SV2B: variants seen among roughly 807,000 people sequenced by gnomAD.
The protein encoded by SV2B is solute carrier family 22 member B2.
In SV2B, 41 loss-of-function variants were observed where a neutral mutation model predicts 73.9. The ratio of observed to expected loss-of-function variants is 0.56; its 90% CI spans 0.43 to 0.72. The LOEUF is 0.72. Ranked by LOEUF, SV2B falls within the 30% of genes least tolerant of loss-of-function variation. The pLI, the probability that SV2B is intolerant of heterozygous loss-of-function variation, is 0.00. For synonymous variants in SV2B, 314 were observed against 314.2 expected, an observed-to-expected ratio of 1.00 and a Z score of 0.01; for missense variants, 764 against 857.8, an observed-to-expected ratio of 0.89 and a Z score of 1.37.
At chr15:91,205,527 G>A (rs762507391) in intron 1 of SV2B, among the ~76,000 whole-genome samples, 110 of 152,004 alleles carry the variant, frequency 7.2e-4, no homozygotes, top group Non-Finnish European at 1.4e-3. Context: ...CACCATGCCC[G>A]GCTAATATTT....
chr15:91,148,882 C>G (rs922141898), intron 1 of SV2B, among the ~76,000 whole-genome samples: 9 of 152,146 alleles, frequency 5.9e-5, no homozygotes, highest in African/African-American at 2.2e-4. Flanking sequence ...TGGATAAATC[C>G]TACCCACATT....
intron 1 of SV2B, among the ~76,000 whole-genome samples, chr15:91,181,061 A>G (rs2044535520): frequency 6.6e-6 from 1 of 151,958 alleles, no homozygotes; most frequent in South Asian, 2.1e-4. Context: ...TGATGTACAG[A>G]TGGGTTTTTG....
chr15:91,287,995 G>T (rs959730052), intron 11 of SV2B, among the ~76,000 whole-genome samples: 1 of 152,280 alleles, frequency 6.6e-6, no homozygotes. Context: ...TTCTACCCCC[G>T]GGGAGGAGTT....
chr15:91,201,507 T>C (rs932662127), intron 1 of SV2B, among the ~76,000 whole-genome samples: 6 of 152,178 alleles, frequency 3.9e-5, no homozygotes, highest in Non-Finnish European at 7.3e-5. Flanking sequence ...CTGTAGAATC[T>C]CTTTTCATAA....
intron 1 of SV2B, among the ~76,000 whole-genome samples, chr15:91,204,463 T>A (rs2045564970): frequency 6.6e-6 from 1 of 152,006 alleles, no homozygotes; most frequent in Non-Finnish European, 1.5e-5. Flanking sequence ...TTGTAATGAG[T>A]TGAGAGTTGA....
chr15:91,257,095 G>T (rs2047724620), intron 4 of SV2B, among the ~76,000 whole-genome samples: 1 of 152,196 alleles, frequency 6.6e-6, no homozygotes. Context: ...GAGAAAACCA[G>T]TCTATTTTAT....
At chr15:91,167,777 C>T (rs1231203828) in intron 1 of SV2B, among the ~76,000 whole-genome samples, 1 of 152,174 alleles carries the variant, frequency 6.6e-6, no homozygotes, top group Non-Finnish European at 1.5e-5. Flanking sequence ...TATTCTTTAT[C>T]CTACCACAAA....
At chr15:91,114,535 G>A (rs545122616) in intron 1 of SV2B, among the ~76,000 whole-genome samples, 63 of 152,254 alleles carry the variant, frequency 4.1e-4, no homozygotes, top group Non-Finnish European at 7.2e-4. Context: ...TGTTGCTGGC[G>A]CCCAGGGACC....
At chr15:91,158,715 T>TTCCCTTCC (rs2043597367) in intron 1 of SV2B, among the ~76,000 whole-genome samples, 1 of 91,172 alleles carries the variant, frequency 1.1e-5, no homozygotes, top group African/African-American at 4.5e-5. Context: ...TCTCCTCTCC[T>TTCCCTTCC]CTCCTCTCCT....
intron 2 of SV2B, among the ~76,000 whole-genome samples, chr15:91,237,818 C>T (rs775456505): frequency 6.6e-6 from 1 of 152,190 alleles, no homozygotes; most frequent in African/African-American, 2.4e-5. Context: ...TTGCACATAT[C>T]TTCGGTAGCA....
rs2046688022 is a variant in SV2B, at chr15:91,234,117, T to A, written c.451+7403T>A. On this transcript the variant is annotated intron_variant, in intron 2 of 12. Coordinates refer to ENST00000394232, the MANE Select transcript of SV2B (RefSeq NM_001323032.3). This position sits in a 1 kb window ranked among gnomAD's most constrained non-coding sequence, Gnocchi z 5.6. ...GAAATGTAGACCAAAATGTGGCCCA[T>A]AGTAAATGAAGTCGAAATGCCAGAC... Among the ~76,000 whole-genome samples the A allele has an allele frequency of 6.6e-6, 1 of 152,186 alleles. No individual in the cohort carries two copies. Among genetic ancestry groups the A allele is most frequent in the Non-Finnish European group, 1.5e-5 (1 of 68,030 alleles).
intron 1 of SV2B, among the ~76,000 whole-genome samples, chr15:91,207,389 G>A (rs2045683446): frequency 3.3e-5 from 5 of 152,032 alleles, no homozygotes; most frequent in Admixed American, 3.3e-4. Flanking sequence ...TTTGTGGTAG[G>A]CATTCTGTGT....
In SV2B at chr15:91,129,035, G is replaced by T. The variant is rs1354422589; in HGVS notation, c.-392+28672G>T. On this transcript the variant is annotated intron_variant, in intron 1 of 12. Coordinates refer to ENST00000394232, the MANE Select transcript of SV2B (RefSeq NM_001323032.3). The surrounding 1 kb of genome is among the most constrained non-coding windows in gnomAD (Gnocchi z 5.1). Reference sequence around the variant, plus strand: ...TCTGCTTTTGTGAGTTGATTTTTTGGTGAAACTTCAGAGGGCCAGGGAGCC... The same window carrying T: ...TCTGCTTTTGTGAGTTGATTTTTTGTTGAAACTTCAGAGGGCCAGGGAGCC... 6.6e-6 allele frequency among the ~76,000 whole-genome samples: 1 copy of T among 152,166 alleles called. No homozygotes were observed. Among genetic ancestry groups the T allele is most frequent in the Non-Finnish European group, 1.5e-5 (1 of 68,036 alleles).
intron 1 of SV2B, among the ~76,000 whole-genome samples, chr15:91,174,347 A>AT (rs2044227972): frequency 6.6e-6 from 1 of 152,194 alleles, no homozygotes; most frequent in African/African-American, 2.4e-5. Context: ...AGACTTTGCC[A>AT]TTACCATTGT....
intron 1 of SV2B, among the ~76,000 whole-genome samples, chr15:91,119,653 C>G (rs1432097898): frequency 2.0e-5 from 3 of 152,340 alleles, no homozygotes; most frequent in East Asian, 1.9e-4. Flanking sequence ...TGATAAAGCT[C>G]TTCATTCATG....
chr15:91,137,609 T>TATATATATTTTATATATAC lies in SV2B; in HGVS notation c.-392+37256_-392+37257insTATATATACATATATATTT, dbSNP rs2042875608. Reference sequence around the variant, plus strand: ...ATTTCTCATATATATATATATTTCATATATATATTTCATATATACATATAT... The same window carrying TATATATATTTTATATATAC: ...ATTTCTCATATATATATATATTTCATATATATATTTTATATATACATATATATTTCATATATACATATAT... On this transcript the variant is annotated intron_variant, in intron 1 of 12. Transcript: ENST00000394232. This position sits in a 1 kb window ranked among gnomAD's most constrained non-coding sequence, Gnocchi z 4.9. 7.2e-6 allele frequency among the ~76,000 whole-genome samples: 1 copy of TATATATATTTTATATATAC among 138,226 alleles called. No individual in the cohort carries two copies. Among genetic ancestry groups the TATATATATTTTATATATAC allele is most frequent in the Non-Finnish European group, 1.5e-5 (1 of 64,776 alleles). 90.7% of individuals were successfully genotyped at this position (138,226 alleles called of 152,430 possible). A position where few individuals can be genotyped will look rare whatever the true frequency, so the allele number is the denominator to read the frequency against.
rs533977187 is a variant in SV2B, at chr15:91,142,825, C to T, written c.-392+42462C>T. 9.2e-5 allele frequency among the ~76,000 whole-genome samples: 14 copies of T among 152,338 alleles called. 1 individual carries two copies. The South Asian group carries it at 2.9e-3, about 32-fold the overall frequency. On this transcript the variant is annotated intron_variant, in intron 1 of 12. Coordinates refer to ENST00000394232, the MANE Select transcript of SV2B (RefSeq NM_001323032.3). ...TTCTACCATAGAGGACAGTAGGGTC[C>T]ATTCTAAACTGTGTTTAGTTCAACA...
intron 9 of SV2B, among the ~76,000 whole-genome samples, chr15:91,276,899 G>A (rs865786731): frequency 1.1e-4 from 14 of 124,752 alleles, no homozygotes; most frequent in Admixed American, 2.9e-4. Flanking sequence ...TCAGCTCACC[G>A]CAATCTCTGC....
chr15:91,285,046 G>A (rs145719097), intron 11 of SV2B, among the ~76,000 whole-genome samples: 4 of 152,276 alleles, frequency 2.6e-5, no homozygotes, highest in East Asian at 3.9e-4. Flanking sequence ...TAGGGTTGAC[G>A]TTGATTAGGA....
Sources: gnomAD v4.1 joint callset for allele counts (sites outside exome capture counted in the v4.1 genomes callset) on GRCh38, gnomAD v4.1.1 for gene constraint, Gnocchi (gnomAD v3.1) non-coding constraint, MANE v1.5 for transcripts, NCBI Gene and HGNC (gene_info 2026-07-23, HGNC 2026-07-21) for gene names.